IGF1R: variants seen among roughly 807,000 people sequenced by gnomAD.
The protein encoded by IGF1R is insulin-like growth factor 1 receptor.
A neutral mutation model predicts 144.6 loss-of-function variants in IGF1R; 44 were observed. The ratio of observed to expected loss-of-function variants is 0.30; its 90% CI spans 0.24 to 0.39. The LOEUF (loss-of-function observed/expected upper bound fraction) is 0.39. Among genes scored for constraint, IGF1R ranks in the 10% least tolerant of loss-of-function variants. The pLI, the probability that IGF1R is intolerant of heterozygous loss-of-function variation, is 1.00. For synonymous variants in IGF1R, 795 were observed against 722.8 expected, an observed-to-expected ratio of 1.10 and a Z score of -1.60; for missense variants, 1,355 against 1,833.7, an observed-to-expected ratio of 0.74 and a Z score of 4.77.
intron 1 of IGF1R, among the ~76,000 whole-genome samples, chr15:98,665,200 C>T (rs1466879898): frequency 2.0e-5 from 3 of 152,160 alleles, no homozygotes; most frequent in South Asian, 2.1e-4. Flanking sequence ...ATCCGCCCAC[C>T]TCGGCCTCCC....
chr15:98,708,379 T>C (rs2053916883), intron 2 of IGF1R, among the ~76,000 whole-genome samples: 1 of 152,170 alleles, frequency 6.6e-6, no homozygotes, highest in Non-Finnish European at 1.5e-5. Context: ...ATGTTAGAAA[T>C]AATCCAGCAC....
chr15:98,927,440 T>C (rs2015765409), intron 13 of IGF1R, among the ~76,000 whole-genome samples: 1 of 152,240 alleles, frequency 6.6e-6, no homozygotes, highest in Admixed American at 6.5e-5. Context: ...CCTTTTCTTG[T>C]AGCCCAATAT....
chr15:98,877,476 T>A (rs895279846), intron 2 of IGF1R, among the ~76,000 whole-genome samples: 3 of 137,050 alleles, frequency 2.2e-5, no homozygotes, highest in Non-Finnish European at 4.6e-5. Context: ...GAAAGAAAAA[T>A]GGCACTAGCA....
chr15:98,709,318 G>A (rs2053938480), intron 2 of IGF1R, among the ~76,000 whole-genome samples: 2 of 152,224 alleles, frequency 1.3e-5, no homozygotes, highest in South Asian at 2.1e-4. Context: ...GCAGGAAAAG[G>A]ATCTGTGTAC....
At chr15:98,671,986 A>T (rs2052904975) in intron 1 of IGF1R, among the ~76,000 whole-genome samples, 1 of 152,222 alleles carries the variant, frequency 6.6e-6, no homozygotes, top group Admixed American at 6.5e-5. Flanking sequence ...GCAGAGGCTC[A>T]AATTTAAGTT....
At chr15:98,905,374 T>A (rs1394216452) in intron 5 of IGF1R, among the ~76,000 whole-genome samples, 1 of 151,740 alleles carries the variant, frequency 6.6e-6, no homozygotes, top group Non-Finnish European at 1.5e-5. Flanking sequence ...AATAAGTAAC[T>A]GGTCAGGTGT....
chr15:98,905,062 C>T (rs1293816134), intron 5 of IGF1R, among the ~76,000 whole-genome samples: 3 of 152,204 alleles, frequency 2.0e-5, no homozygotes, highest in Non-Finnish European at 4.4e-5. Flanking sequence ...AATCTTTTGC[C>T]CAGAGGGGTT....
chr15:98,770,558 T>A, intron 2 of IGF1R, among the ~76,000 whole-genome samples: 1 of 152,012 alleles, frequency 6.6e-6, no homozygotes, highest in South Asian at 2.1e-4. Context: ...TTTCAAAATA[T>A]CATATTAACC....
At chr15:98,674,829 T>TA (rs1396077728) in intron 1 of IGF1R, among the ~76,000 whole-genome samples, 1 of 152,058 alleles carries the variant, frequency 6.6e-6, no homozygotes, top group East Asian at 1.9e-4. Flanking sequence ...TCTATATATT[T>TA]AAAAAAATGA....
intron 2 of IGF1R, among the ~76,000 whole-genome samples, chr15:98,885,336 T>G (rs2013587007): frequency 6.6e-6 from 1 of 152,230 alleles, no homozygotes; most frequent in Admixed American, 6.5e-5. Context: ...GGACTTCTGT[T>G]CGGCCTGGGG....
At chr15:98,913,009 G>C in intron 7 of IGF1R, 35 bp from the exon 8 acceptor site, 1 of 1,486,730 alleles carries the variant, frequency 6.7e-7, no homozygotes, top group Non-Finnish European at 9.4e-7. Flanking sequence ...TGATGTCAGA[G>C]CCCCGAACTT....
chr15:98,693,885 C>T (rs779367284), intron 1 of IGF1R, among the ~76,000 whole-genome samples: 6 of 152,178 alleles, frequency 3.9e-5, no homozygotes, highest in Admixed American at 6.5e-5. Context: ...GGATTACAGG[C>T]GTGAGCCACC....
intron 2 of IGF1R, among the ~76,000 whole-genome samples, chr15:98,845,152 A>G (rs1268305949): frequency 6.6e-6 from 1 of 152,170 alleles, no homozygotes; most frequent in Non-Finnish European, 1.5e-5. Flanking sequence ...CACCGAGAGT[A>G]GGGAGAAGAG....
intron 8 of IGF1R, among the ~76,000 whole-genome samples, chr15:98,914,672 T>C (rs2015165777): frequency 6.6e-6 from 1 of 152,220 alleles, no homozygotes; most frequent in Non-Finnish European, 1.5e-5. Context: ...GAATATCTGC[T>C]TATTGTGACA....
chr15:98,951,265 C>G (rs961622439), intron 20 of IGF1R, among the ~76,000 whole-genome samples: 11 of 152,228 alleles, frequency 7.2e-5, no homozygotes, highest in African/African-American at 2.7e-4. Context: ...TGATGGGAGG[C>G]TCCTCTTCTC....
chr15:98,745,698 TC>T (rs2054848001), intron 2 of IGF1R, among the ~76,000 whole-genome samples: 1 of 152,330 alleles, frequency 6.6e-6, no homozygotes, highest in Admixed American at 6.5e-5. Flanking sequence ...TGGAGAAACT[TC>T]CGTTTTCTCT....
At chr15:98,844,453 C>A (rs1021461931) in intron 2 of IGF1R, among the ~76,000 whole-genome samples, 2 of 152,026 alleles carry the variant, frequency 1.3e-5, no homozygotes, top group African/African-American at 4.8e-5. Flanking sequence ...AAACTATTTA[C>A]GGTTTGGGGT....
At chr15:98,843,653 C>A (rs538476190) in intron 2 of IGF1R, among the ~76,000 whole-genome samples, 2 of 152,216 alleles carry the variant, frequency 1.3e-5, no homozygotes, top group South Asian at 4.1e-4. Context: ...GAGAAAGCAA[C>A]CCTGAAAGAA....
At chr15:98,800,812 T>C (rs191833143) in intron 2 of IGF1R, among the ~76,000 whole-genome samples, 5 of 152,304 alleles carry the variant, frequency 3.3e-5, no homozygotes, top group Admixed American at 1.3e-4. Context: ...AGCAGGCTTT[T>C]TATGAATGAG....
Sources: gnomAD v4.1 joint callset for allele counts (sites outside exome capture counted in the v4.1 genomes callset) on GRCh38, gnomAD v4.1.1 for gene constraint, MANE v1.5 for transcripts, NCBI Gene and HGNC (gene_info 2026-07-23, HGNC 2026-07-21) for gene names.